The following DNASE1 variants were observed in gnomAD, a reference collection of about 807,000 sequenced individuals.
The protein encoded by DNASE1 is deoxyribonuclease-1.
DNASE1 carries 40 observed loss-of-function variants against 33.9 expected under a neutral mutation model. That is an observed-to-expected ratio of 1.18 (90% CI 0.92 to 1.54). The LOEUF is 1.54. DNASE1 is among the 40% of genes most tolerant of loss of function. DNASE1 has a pLI of 0.00. For missense variants in DNASE1, 518 were observed against 372.6 expected (o/e 1.39, Z -3.21); for synonymous variants, 216 against 160.0 (o/e 1.35, Z -2.64).
chr16:3,664,762 G>A (rs1049963899), exon 10 of DNASE1: 14 of 346,434 alleles, frequency 4.0e-5, no homozygotes, highest in Non-Finnish European at 6.3e-5. Flanking sequence ...AGCCCGGCCT[G>A]GACCCAGCGT....
chr16:3,662,264 C>G, downstream of DNASE1: 1 of 1,080,206 alleles, frequency 9.3e-7, no homozygotes, highest in Non-Finnish European at 1.3e-6. Flanking sequence ...CCTGGACCAG[C>G]GCTGCTCCCT....
At chr16:3,639,502 A>T (rs2041970381), upstream of DNASE1, among the ~76,000 whole-genome samples, 1 of 152,206 alleles carries the variant, frequency 6.6e-6, no homozygotes, top group African/African-American at 2.4e-5. Context: ...GTCCTGGGAC[A>T]GCCCAGTCGA....
intron 1 of DNASE1, among the ~76,000 whole-genome samples, chr16:3,622,761 CTTTTAATAAAA>C (rs1302142975): frequency 2.6e-5 from 4 of 152,134 alleles, no homozygotes; most frequent in African/African-American, 9.7e-5. Context: ...TTGGCTTTGA[CTTTTAATAAAA>C]TTTTTTCCAT....
At chr16:3,631,548 G>A (rs1027255682) in intron 1 of DNASE1, among the ~76,000 whole-genome samples, 3 of 139,718 alleles carry the variant, frequency 2.1e-5, no homozygotes, top group Non-Finnish European at 4.7e-5. Flanking sequence ...AAATTGAGAC[G>A]GAGTCTCGCT....
At chr16:3,663,404 A>G (rs2050735042) in exon 10 of DNASE1, 1 of 1,613,624 alleles carries the variant, frequency 6.2e-7, no homozygotes, top group Non-Finnish European at 8.5e-7. Flanking sequence ...CCCCACGCCT[A>G]GAGAGCAGGG....
At chr16:3,659,225 A>G (rs2042920005), downstream of DNASE1, 1 of 187,202 alleles carries the variant, frequency 5.3e-6, no homozygotes, top group South Asian at 1.0e-4. Context: ...AGTAAATAAA[A>G]CAGTTTAGGT....
chr16:3,663,242 C>A (rs2050729115), exon 10 of DNASE1: 1 of 778,574 alleles, frequency 1.3e-6, no homozygotes, highest in Non-Finnish European at 2.0e-6. Flanking sequence ...TGGACAGACC[C>A]CTGATATCTA....
upstream of DNASE1, among the ~76,000 whole-genome samples, chr16:3,642,656 G>C (rs933009891): frequency 3.3e-5 from 5 of 152,194 alleles, no homozygotes; most frequent in African/African-American, 9.7e-5. Flanking sequence ...GATGTGATTC[G>C]TGGTGAGGAA....
intron 1 of DNASE1, among the ~76,000 whole-genome samples, chr16:3,621,365 G>A (rs1485554104): frequency 1.3e-5 from 2 of 152,314 alleles, no homozygotes; most frequent in East Asian, 3.9e-4. Flanking sequence ...ACAGGTATGA[G>A]CCATTGCTCT....
In DNASE1 at chr16:3,657,966, C is replaced by G; in HGVS notation, c.*13C>G. 1 of 1,613,840 alleles carries G rather than the reference C, an allele frequency of 6.2e-7. No individual in the cohort carries two copies. The highest frequency in any genetic ancestry group is 1.1e-5 in the South Asian group (1 of 91,038). ...GATGCTGAAGTGAGCAGCCCCTCCC[C>G]ACACCAGTTGAACTGCAGGAAGAGA... On this transcript the variant is annotated 3_prime_UTR_variant, in exon 9 of 9. Coordinates refer to ENST00000246949, the MANE Select transcript of DNASE1 (RefSeq NM_005223.4).
At chr16:3,629,962 C>T (rs142703520) in intron 1 of DNASE1, among the ~76,000 whole-genome samples, 4 of 152,078 alleles carry the variant, frequency 2.6e-5, no homozygotes, top group African/African-American at 4.8e-5. Flanking sequence ...TACAGGCACC[C>T]GCCACCATGC....
chr16:3,626,796 G>A (rs533086482), intron 1 of DNASE1, among the ~76,000 whole-genome samples: 3 of 152,294 alleles, frequency 2.0e-5, no homozygotes, highest in East Asian at 3.9e-4. Flanking sequence ...TTTGTTAGAT[G>A]CGTATGCACT....
chr16:3,614,885 G>C (rs918104911), intron 1 of DNASE1, among the ~76,000 whole-genome samples: 44 of 152,304 alleles, frequency 2.9e-4, no homozygotes, highest in African/African-American at 9.6e-4. Context: ...AAAATGAAGT[G>C]CCTGTTTCCT....
chr16:3,639,660 G>A (rs1016704682), upstream of DNASE1, among the ~76,000 whole-genome samples: 2 of 152,164 alleles, frequency 1.3e-5, no homozygotes, highest in Non-Finnish European at 2.9e-5. Context: ...TAATTCTTAT[G>A]CTAAACTTCC....
downstream of DNASE1, chr16:3,660,068 G>A (rs1238186837): frequency 6.6e-6 from 1 of 152,186 alleles, no homozygotes; most frequent in Non-Finnish European, 1.5e-5. Flanking sequence ...CACATTTCTA[G>A]TCTACGTAGC....
chr16:3,616,779 G>C (rs1210004814), intron 1 of DNASE1, among the ~76,000 whole-genome samples: 2 of 152,122 alleles, frequency 1.3e-5, no homozygotes. Context: ...GTGTGGTACT[G>C]TACCAGCATA....
exon 10 of DNASE1, chr16:3,664,437 C>G (rs144787542): frequency 6.2e-7 from 1 of 1,611,712 alleles, no homozygotes; most frequent in Non-Finnish European, 8.5e-7. Flanking sequence ...GGACTCGTAG[C>G]GCAGCAGCTT....
chr16:3,657,463 C>G, intron 7 of DNASE1, 122 bp downstream of exon 7: 1 of 1,372,840 alleles, frequency 7.3e-7, no homozygotes, highest in Non-Finnish European at 9.9e-7. Flanking sequence ...TTCAGTTGAT[C>G]CACTACAGGG....
At chr16:3,663,219 G>T (rs1038318313) in exon 10 of DNASE1, 5 of 712,246 alleles carry the variant, frequency 7.0e-6, no homozygotes, top group Non-Finnish European at 1.1e-5. Flanking sequence ...AGAAGCCACC[G>T]TGGCAGGAGC....
Sources: gnomAD v4.1 joint callset for allele counts (sites outside exome capture counted in the v4.1 genomes callset) on GRCh38, gnomAD v4.1.1 for gene constraint, MANE v1.5 for transcripts, NCBI Gene and HGNC (gene_info 2026-07-23, HGNC 2026-07-21) for gene names.